CD8B: variants seen among roughly 807,000 people sequenced by gnomAD.
CD8B encodes the protein T-cell surface glycoprotein CD8 beta chain.
CD8B carries 6 observed loss-of-function variants against 24.2 expected under a neutral mutation model. The ratio of observed to expected loss-of-function variants is 0.25; its 90% CI spans 0.14 to 0.49. CD8B has a LOEUF of 0.49. CD8B is among the 20% of genes least tolerant of loss of function. CD8B has a pLI of 0.98. For missense variants in CD8B, 196 were observed against 271.3 expected, an observed-to-expected ratio of 0.72 and a Z score of 1.95; for synonymous variants, 84 against 108.3, an observed-to-expected ratio of 0.78 and a Z score of 1.39.
At chr2:86,857,177 C>T (rs1351946978) in intron 2 of CD8B, among the ~76,000 whole-genome samples, 2 of 152,004 alleles carry the variant, frequency 1.3e-5, no homozygotes, top group African/African-American at 4.8e-5. Flanking sequence ...GGGCCTGGCT[C>T]AGTCTCCTTA....
intron 2 of CD8B, among the ~76,000 whole-genome samples, chr2:86,855,848 C>T (rs1160961180): frequency 2.6e-5 from 4 of 152,188 alleles, no homozygotes; most frequent in African/African-American, 7.2e-5. Context: ...GGCTGGGCAC[C>T]GCCGCCTGGG....
At chr2:86,828,207 G>A (rs1014242203) in intron 5 of CD8B, among the ~76,000 whole-genome samples, 4 of 151,962 alleles carry the variant, frequency 2.6e-5, no homozygotes, top group African/African-American at 7.3e-5. Context: ...AAGTGGGGGC[G>A]AATGTCAATA....
chr2:86,849,422 G>A (rs1359162416), intron 3 of CD8B, among the ~76,000 whole-genome samples: 1 of 151,722 alleles, frequency 6.6e-6, no homozygotes, highest in Non-Finnish European at 1.5e-5. Context: ...CTAAGTGAAA[G>A]AAGCCAAGCA....
chr2:86,846,265 C>A (rs1342890054), intron 4 of CD8B, among the ~76,000 whole-genome samples: 3 of 152,146 alleles, frequency 2.0e-5, no homozygotes, highest in Non-Finnish European at 4.4e-5. Context: ...ACACAAACCC[C>A]ATAGGCAAAC....
chr2:86,819,559 T>C (rs1263046405), intron 5 of CD8B, among the ~76,000 whole-genome samples: 1 of 152,198 alleles, frequency 6.6e-6, no homozygotes, highest in Non-Finnish European at 1.5e-5. Flanking sequence ...GTTTAGAGCA[T>C]GGTTTACTGA....
At chr2:86,858,030 A>T in intron 2 of CD8B, 27 bp downstream of exon 2, 1 of 1,608,582 alleles carries the variant, frequency 6.2e-7, no homozygotes, top group Non-Finnish European at 8.5e-7. Flanking sequence ...ATCGGTGCTC[A>T]CTGATAGCAT....
chr2:86,848,341 A>G (rs571092268), intron 3 of CD8B, among the ~76,000 whole-genome samples: 1 of 152,332 alleles, frequency 6.6e-6, no homozygotes, highest in East Asian at 1.9e-4. Flanking sequence ...CTAATTTCTT[A>G]TAAGCTTTGG....
At chr2:86,834,655 G>A (rs1262151807), downstream of CD8B, among the ~76,000 whole-genome samples, 1 of 152,152 alleles carries the variant, frequency 6.6e-6, no homozygotes, top group African/African-American at 2.4e-5. Flanking sequence ...AGACGTTCCA[G>A]GCCGGGCACA....
chr2:86,815,473 T>G, downstream of CD8B: 3 of 678,214 alleles, frequency 4.4e-6, no homozygotes, highest in South Asian at 5.4e-5. Context: ...AGGGCAGAAC[T>G]TGAGCCCCCT....
At chr2:86,821,793 C>T (rs1419311901) in intron 5 of CD8B, 1 of 397,468 alleles carries the variant, frequency 2.5e-6, no homozygotes. Context: ...CCCACAAACC[C>T]CGTCCTCTCC....
intron 5 of CD8B, among the ~76,000 whole-genome samples, chr2:86,844,289 A>C (rs1323285582): frequency 6.6e-6 from 1 of 151,276 alleles, no homozygotes; most frequent in Non-Finnish European, 1.5e-5. Flanking sequence ...TGGGACCCAG[A>C]TGGGGTCGAG....
At chr2:86,846,849 C>T (rs867737101) in intron 3 of CD8B, 76 bp from the exon 4 acceptor site, 30 of 949,198 alleles carry the variant, frequency 3.2e-5, no homozygotes, top group African/African-American at 1.8e-4. Flanking sequence ...ATACAAGGAG[C>T]GAAAAATTCA....
chr2:86,840,867 C>G lies in CD8B; in HGVS notation c.*1440G>C, dbSNP rs1433933247. Among the ~76,000 whole-genome samples, 1 of 152,210 alleles carries G rather than the reference C, an allele frequency of 6.6e-6. No homozygotes were observed. Among genetic ancestry groups the G allele is most frequent in the Non-Finnish European group, 1.5e-5 (1 of 68,040 alleles). On this transcript the variant is annotated 3_prime_UTR_variant, in exon 6 of 6. Coordinates refer to ENST00000390655, the MANE Select transcript of CD8B (RefSeq NM_004931.5). ...CCCCAGATGCCAGGAGAAGGTCACA[C>G]TGCCCCTTCCCCAGAGTCGTCTTTC... is the stretch of plus-strand genomic sequence containing the variant.
intron 2 of CD8B, among the ~76,000 whole-genome samples, chr2:86,856,337 T>A (rs540713572): frequency 1.3e-5 from 2 of 152,148 alleles, no homozygotes; most frequent in Admixed American, 1.3e-4. Flanking sequence ...TGGAAAGGTG[T>A]GGGGCTTACA....
intron 3 of CD8B, among the ~76,000 whole-genome samples, chr2:86,847,823 C>T (rs1675760857): frequency 6.6e-6 from 1 of 152,198 alleles, no homozygotes; most frequent in Admixed American, 6.5e-5. Flanking sequence ...GCCTCAGCCT[C>T]CCAAAGTGCT....
chr2:86,837,301 G>A (rs1675215402), downstream of CD8B, among the ~76,000 whole-genome samples: 1 of 152,216 alleles, frequency 6.6e-6, no homozygotes, highest in South Asian at 2.1e-4. Flanking sequence ...ACAGTACTGT[G>A]GAGGTTGTAA....
At chr2:86,844,228 T>G (rs10189173) in intron 5 of CD8B, among the ~76,000 whole-genome samples, 104,195 of 148,576 alleles carry the variant, frequency 0.7, 36,844 homozygotes, top group East Asian at 0.81. Flanking sequence ...AAGTACAGGC[T>G]CTTTCTCAGC....
intron 5 of CD8B, chr2:86,821,797 C>A: frequency 2.5e-6 from 1 of 396,048 alleles, no homozygotes; most frequent in Non-Finnish European, 5.3e-6. Flanking sequence ...CAAACCCCGT[C>A]CTCTCCAAAG....
chr2:86,843,010 T>TG (rs1185434156), intron 5 of CD8B, among the ~76,000 whole-genome samples: 1 of 151,634 alleles, frequency 6.6e-6, no homozygotes, highest in Non-Finnish European at 1.5e-5. Context: ...AATGAAGGGG[T>TG]GGGGACAGAC....
Sources: gnomAD v4.1 joint callset for allele counts (sites outside exome capture counted in the v4.1 genomes callset) on GRCh38, gnomAD v4.1.1 for gene constraint, MANE v1.5 for transcripts, NCBI Gene and HGNC (gene_info 2026-07-23, HGNC 2026-07-21) for gene names.